NAA25: variants seen among roughly 807,000 people sequenced by gnomAD.
NAA25 encodes N-terminal acetyltransferase B complex subunit NAA25.
In NAA25, 30 loss-of-function variants were observed where a neutral mutation model predicts 132.5. That is an observed-to-expected ratio of 0.23 (90% CI 0.17 to 0.31). The LOEUF (loss-of-function observed/expected upper bound fraction) is 0.31. Ranked by LOEUF, NAA25 falls within the 10% of genes least tolerant of loss-of-function variation. NAA25 has a pLI of 1.00. For synonymous variants in NAA25, 359 were observed against 401.9 expected, an observed-to-expected ratio of 0.89 and a Z score of 1.28; for missense variants, 771 against 1,150.4, an observed-to-expected ratio of 0.67 and a Z score of 4.77.
intron 2 of NAA25, among the ~76,000 whole-genome samples, 170 bp downstream of exon 2, chr12:112,092,881 T>C (rs1409164926): frequency 6.6e-6 from 1 of 151,972 alleles, no homozygotes; most frequent in Non-Finnish European, 1.5e-5. Flanking sequence ...TTTCACCATG[T>C]TGGTCAGGCT....
At chr12:112,070,941 TTC>T (rs2078796347) in intron 10 of NAA25, among the ~76,000 whole-genome samples, 1 of 152,238 alleles carries the variant, frequency 6.6e-6, no homozygotes, top group East Asian at 1.9e-4. Flanking sequence ...GAGACGGTGT[TTC>T]ACCATGTTGG....
At chr12:112,046,838 A>G (rs944179555) in intron 17 of NAA25, among the ~76,000 whole-genome samples, 5 of 152,216 alleles carry the variant, frequency 3.3e-5, no homozygotes, top group Non-Finnish European at 5.9e-5. Context: ...TCTATATATG[A>G]AGGATACTTG....
intron 3 of NAA25, among the ~76,000 whole-genome samples, chr12:112,088,005 A>G (rs1301932010): frequency 1.3e-5 from 2 of 152,176 alleles, no homozygotes; most frequent in Non-Finnish European, 1.5e-5. Context: ...TAGCATTTAC[A>G]ACATATAAGA....
At chr12:112,037,709 G>A (rs1318125383) in intron 22 of NAA25, 1 of 144,194 alleles carries the variant, frequency 6.9e-6, no homozygotes, top group Non-Finnish European at 1.5e-5. Context: ...TTTAATTATG[G>A]GACACAACAA....
intron 17 of NAA25, among the ~76,000 whole-genome samples, chr12:112,047,155 T>TACAAC (rs2078395761): frequency 1.3e-5 from 2 of 151,904 alleles, no homozygotes; most frequent in African/African-American, 4.8e-5. Context: ...TTCTGATCCC[T>TACAAC]ACAACAAACA....
At chr12:112,075,161 T>C (rs1369753021) in intron 8 of NAA25, among the ~76,000 whole-genome samples, 1 of 151,766 alleles carries the variant, frequency 6.6e-6, no homozygotes, top group East Asian at 1.9e-4. Context: ...AAGCCCTAAC[T>C]AGAATTCAGC....
At chr12:112,037,662 AT>A (rs893517482) in intron 22 of NAA25, 3 of 137,180 alleles carry the variant, frequency 2.2e-5, no homozygotes, top group Non-Finnish European at 1.6e-5. Flanking sequence ...CATTAATCAC[AT>A]TAGTGTCCCA....
chr12:112,056,659 T>G, intron 13 of NAA25, among the ~76,000 whole-genome samples: 1 of 152,226 alleles, frequency 6.6e-6, no homozygotes, highest in Admixed American at 6.5e-5. Context: ...AACTTTCTAT[T>G]GATTTCTAAG....
chr12:112,046,851 T>G (rs1338371441), intron 17 of NAA25, among the ~76,000 whole-genome samples: 1 of 152,248 alleles, frequency 6.6e-6, no homozygotes, highest in Non-Finnish European at 1.5e-5. Context: ...GATACTTGTA[T>G]GAAGAAATTT....
intron 5 of NAA25, among the ~76,000 whole-genome samples, chr12:112,079,902 G>C (rs1447382716): frequency 6.6e-6 from 1 of 152,148 alleles, no homozygotes; most frequent in Non-Finnish European, 1.5e-5. Context: ...GCTCATGCTT[G>C]ATCAAGCAAC....
In NAA25 at chr12:112,075,272, T is replaced by G. The variant is rs569962058; in HGVS notation, c.776+406A>C. ...GGCATGATCTCAGCTCACTGCAACC[T>G]CTGCCTCCCAGGTTCAAGCGATTCT... On this transcript the variant is annotated intron_variant, in intron 8 of 23. Transcript: ENST00000261745. 4.6e-5 allele frequency among the ~76,000 whole-genome samples: 7 copies of G among 151,888 alleles called. No individual in the cohort carries two copies. The South Asian group carries it at 1.5e-3, about 32-fold the overall frequency.
Position 112,052,960 on chromosome 12 carries a change from G to C in NAA25, c.1728+598C>G, listed in dbSNP as rs2339941. Among the ~76,000 whole-genome samples the C allele has an allele frequency of 2.0e-3, 298 of 152,148 alleles. 1 individual carries two copies. The highest frequency in any genetic ancestry group is 3.6e-3 in the Non-Finnish European group (247 of 67,994). On this transcript the variant is annotated intron_variant, in intron 15 of 23. Coordinates refer to ENST00000261745, the MANE Select transcript of NAA25 (RefSeq NM_024953.4). The stretch of plus-strand genomic sequence containing the variant: ...CGTATGGTTTTCCTACAAAAACCTC[G>C]GCTTAACCAACAAGTAGAGCCCAAG...
At chr12:112,094,160 G>A (rs1293534555) in intron 1 of NAA25, among the ~76,000 whole-genome samples, 1 of 145,164 alleles carries the variant, frequency 6.9e-6, no homozygotes, top group Non-Finnish European at 1.5e-5. Flanking sequence ...AGAATGGCGT[G>A]AACCCAGGAG....
chr12:112,077,018 A>C (rs1392672226), intron 7 of NAA25, among the ~76,000 whole-genome samples: 1 of 152,116 alleles, frequency 6.6e-6, no homozygotes, highest in Non-Finnish European at 1.5e-5. Flanking sequence ...AACAACAAAA[A>C]AAAACAAGAA....
At chr12:112,068,113 A>G (rs536312215) in intron 11 of NAA25, among the ~76,000 whole-genome samples, 27 of 152,144 alleles carry the variant, frequency 1.8e-4, no homozygotes, top group Admixed American at 1.2e-3. Context: ...ATTACAGCTC[A>G]CTGCAGCCTC....
intron 4 of NAA25, among the ~76,000 whole-genome samples, chr12:112,086,634 T>C (rs2079061422): frequency 6.6e-6 from 1 of 152,192 alleles, no homozygotes; most frequent in South Asian, 2.1e-4. Context: ...TATAACTTGA[T>C]ATTTAATGTA....
chr12:112,081,105 G>A lies in NAA25; in HGVS notation c.432C>T (p.Pro144=), dbSNP rs374989455. The A allele has an allele frequency of 1.4e-5, 22 of 1,613,186 alleles. No individual in the cohort carries two copies. Among genetic ancestry groups the A allele is most frequent in the Non-Finnish European group, 1.4e-5 (17 of 1,179,346 alleles). ...CAGACCAAAAGTAGTAGGGATTTTT[G>A]GGGACAATCTTATATAGAGCCATGC... The part of the protein sequence containing the change: ...QAGMALYKIV[P]KNPYYFWSVM... Residue 144 remains proline (P), a synonymous_variant, in exon 5 of 24, where the codon CCC becomes CCT. Transcript: ENST00000261745.
intron 17 of NAA25, 82 bp downstream of exon 17, chr12:112,047,583 G>C (rs1593761886): frequency 4.0e-6 from 6 of 1,506,712 alleles, no homozygotes; most frequent in Non-Finnish European, 5.4e-6. Flanking sequence ...CGAAGCTGCA[G>C]TGAGCTATGA....
At chr12:112,108,525 C>A (rs567049865) in intron 1 of NAA25, among the ~76,000 whole-genome samples, 191 bp downstream of exon 1, 107 of 152,116 alleles carry the variant, frequency 7.0e-4, no homozygotes, top group Middle Eastern at 3.4e-3. Context: ...CCACTACCAC[C>A]CCAAGGCTGA....
Sources: gnomAD v4.1 joint callset for allele counts (sites outside exome capture counted in the v4.1 genomes callset) on GRCh38, gnomAD v4.1.1 for gene constraint, MANE v1.5 for transcripts, NCBI Gene and HGNC (gene_info 2026-07-23, HGNC 2026-07-21) for gene names.